CDH4: variants seen among roughly 807,000 people sequenced by gnomAD.
CDH4 encodes the protein cadherin 4.
In CDH4, 33 loss-of-function variants were observed where a neutral mutation model predicts 86.0. The ratio of observed to expected loss-of-function variants is 0.38; its 90% confidence interval spans 0.29 to 0.51. The LOEUF (loss-of-function observed/expected upper bound fraction) is 0.51, where lower values mean the gene tolerates loss of function less well. CDH4 is among the 20% of genes least tolerant of loss of function. CDH4 has a pLI of 0.86. For missense variants in CDH4, 1,114 were observed against 1,307.4 expected, an observed-to-expected ratio of 0.85 and a Z score of 2.28; for synonymous variants, 555 against 549.4, an observed-to-expected ratio of 1.01 and a Z score of -0.14.
chr20:61,822,402 AT>A (rs1981090199), intron 4 of CDH4, among the ~76,000 whole-genome samples: 1 of 152,226 alleles, frequency 6.6e-6, no homozygotes, highest in South Asian at 2.1e-4. Flanking sequence ...AATTTTTATT[AT>A]GGTGCTAAAA....
At chr20:61,693,975 C>T (rs966391018) in intron 2 of CDH4, among the ~76,000 whole-genome samples, 3 of 148,764 alleles carry the variant, frequency 2.0e-5, no homozygotes, top group Admixed American at 6.8e-5. Flanking sequence ...TCAGTGCAAC[C>T]TCCACCTCCC....
chr20:61,805,203 C>G (rs557006774), intron 4 of CDH4, among the ~76,000 whole-genome samples: 3 of 152,332 alleles, frequency 2.0e-5, no homozygotes, highest in African/African-American at 7.2e-5. Flanking sequence ...AGTCCTTGAC[C>G]CAGCCCCCCA....
At chr20:61,546,170 G>A (rs1371975200) in intron 2 of CDH4, among the ~76,000 whole-genome samples, 1 of 144,006 alleles carries the variant, frequency 6.9e-6, no homozygotes, top group Non-Finnish European at 1.5e-5. Context: ...GTGTGTGCCT[G>A]TGTGTGGGGG....
At chr20:61,560,613 G>T (rs2086209681) in intron 2 of CDH4, among the ~76,000 whole-genome samples, 1 of 152,166 alleles carries the variant, frequency 6.6e-6, no homozygotes, top group South Asian at 2.1e-4. Context: ...GGAAGACAAA[G>T]GTCACAGCAG....
At chr20:61,360,526 C>A (rs903236383) in intron 2 of CDH4, among the ~76,000 whole-genome samples, 4 of 152,140 alleles carry the variant, frequency 2.6e-5, no homozygotes, top group African/African-American at 7.2e-5. Flanking sequence ...AGAGATGAGA[C>A]CCTCCCGCCT....
chr20:61,789,592 AG>A (rs1227652391), intron 4 of CDH4, among the ~76,000 whole-genome samples: 1 of 152,154 alleles, frequency 6.6e-6, no homozygotes, highest in Non-Finnish European at 1.5e-5. Flanking sequence ...CAGGGAGGAG[AG>A]GAAATTGTTG....
At chr20:61,748,916 C>T (rs1400496030) in intron 3 of CDH4, among the ~76,000 whole-genome samples, 1 of 71,328 alleles carries the variant, frequency 1.4e-5, no homozygotes, top group Non-Finnish European at 2.7e-5. Context: ...AATAGATGGG[C>T]TACACATTTC....
intron 4 of CDH4, among the ~76,000 whole-genome samples, chr20:61,842,528 A>G (rs1982223401): frequency 6.6e-6 from 1 of 152,242 alleles, no homozygotes; most frequent in Admixed American, 6.5e-5. Context: ...GTTCTCTGCT[A>G]GTCAAGTTTT....
chr20:61,680,084 C>T (rs1194443749), intron 2 of CDH4, among the ~76,000 whole-genome samples: 1 of 152,204 alleles, frequency 6.6e-6, no homozygotes, highest in Non-Finnish European at 1.5e-5. Flanking sequence ...GAGGACCCTG[C>T]CCCAGGGCTG....
chr20:61,753,161 C>T (rs911578409), intron 3 of CDH4, among the ~76,000 whole-genome samples: 13 of 152,088 alleles, frequency 8.5e-5, no homozygotes, highest in Admixed American at 3.3e-4. Flanking sequence ...GTTTACAGAG[C>T]GCTGGGAGTC....
chr20:61,297,732 T>C (rs1053330662), intron 2 of CDH4, among the ~76,000 whole-genome samples: 7 of 152,266 alleles, frequency 4.6e-5, no homozygotes, highest in African/African-American at 1.7e-4. Flanking sequence ...TCCTGCCCTC[T>C]CGCGTGTATG....
chr20:61,571,633 C>T (rs909813284), intron 2 of CDH4, among the ~76,000 whole-genome samples: 1 of 152,180 alleles, frequency 6.6e-6, no homozygotes, highest in Non-Finnish European at 1.5e-5. Flanking sequence ...GCCTGGCAAG[C>T]CCCAGCTCCC....
At chr20:61,882,496 C>T (rs913481593) in intron 7 of CDH4, among the ~76,000 whole-genome samples, 1 of 152,192 alleles carries the variant, frequency 6.6e-6, no homozygotes, top group Non-Finnish European at 1.5e-5. Context: ...GATTCAGGAC[C>T]TCTGGTCACG....
chr20:61,629,960 G>A (rs2086868887), intron 2 of CDH4, among the ~76,000 whole-genome samples: 2 of 152,208 alleles, frequency 1.3e-5, no homozygotes, highest in African/African-American at 2.4e-5. Flanking sequence ...CCTGTGGCTC[G>A]GAGGACAGCT....
intron 3 of CDH4, among the ~76,000 whole-genome samples, chr20:61,747,567 G>A (rs958502541): frequency 2.0e-5 from 3 of 152,040 alleles, no homozygotes; most frequent in African/African-American, 4.8e-5. Flanking sequence ...GAGATAATTA[G>A]AAGGTATAAA....
At chr20:61,387,780 C>G (rs938361510) in intron 2 of CDH4, among the ~76,000 whole-genome samples, 1 of 152,196 alleles carries the variant, frequency 6.6e-6, no homozygotes, top group Non-Finnish European at 1.5e-5. Flanking sequence ...TGAAGCTTTT[C>G]CGCAGTGAGA....
intron 2 of CDH4, among the ~76,000 whole-genome samples, chr20:61,528,469 G>GGAGGGGGGT: frequency 1.0e-5 from 1 of 98,566 alleles, no homozygotes; most frequent in South Asian, 4.8e-4. Flanking sequence ...GAGAGGGAGG[G>GGAGGGGGGT]GGAGGGGGAG....
chr20:61,790,648 C>CCCATCCATTCACCCACCCACCAT (rs1979132881), intron 4 of CDH4, among the ~76,000 whole-genome samples: 2 of 149,406 alleles, frequency 1.3e-5, no homozygotes, highest in Admixed American at 1.3e-4. Flanking sequence ...CATCCATTCA[C>CCCATCCATTCACCCACCCACCAT]CCATCCATTC....
intron 6 of CDH4, among the ~76,000 whole-genome samples, chr20:61,869,505 A>G (rs1983703332): frequency 6.6e-6 from 1 of 152,204 alleles, no homozygotes; most frequent in African/African-American, 2.4e-5. Context: ...AGCAGAGCTC[A>G]CTGGACCCAG....
Sources: allele counts gnomAD v4.1 joint callset (sites outside exome capture counted in the v4.1 genomes callset), GRCh38; gene constraint gnomAD v4.1.1; transcripts MANE v1.5; gene names NCBI Gene and HGNC (gene_info 2026-07-23, HGNC 2026-07-21).